Variants in CACNA1S observed in about 807,000 individuals in gnomAD.
CACNA1S encodes voltage-dependent L-type calcium channel subunit alpha-1S.
Under a neutral mutation model 207.4 loss-of-function variants are expected in CACNA1S, and 126 were observed. The ratio of observed to expected loss-of-function variants is 0.61; its 90% CI spans 0.53 to 0.70. CACNA1S has a LOEUF of 0.70. Ranked by LOEUF, CACNA1S falls within the 30% of genes least tolerant of loss-of-function variation. CACNA1S has a pLI of 0.00. For missense variants in CACNA1S, 2,349 were observed against 2,422.8 expected (o/e 0.97, Z 0.64); for synonymous variants, 960 against 932.7 (o/e 1.03, Z -0.53).
chr1:201,081,782 C>T (rs1558074746), intron 10 of CACNA1S, among the ~76,000 whole-genome samples: 1 of 152,198 alleles, frequency 6.6e-6, no homozygotes, highest in Admixed American at 6.5e-5. Context: ...TAAGTCAGCT[C>T]ACTCTGAGTT....
Position 201,053,154 on chromosome 1 carries a change from C to G in CACNA1S, c.3861+55G>C. ...TCAGGCTCCTCAGGGTCCACTGATGCCCCCTCTAACTTGGCCAAGATCCAT... is the reference window on the plus strand; with the variant it reads ...TCAGGCTCCTCAGGGTCCACTGATGGCCCCTCTAACTTGGCCAAGATCCAT... On this transcript the variant is annotated intron_variant, in intron 31 of 43. Coordinates refer to ENST00000362061, the MANE Select transcript of CACNA1S (RefSeq NM_000069.3). The surrounding 1 kb of genome is among the most constrained non-coding windows in gnomAD (Gnocchi z 5.1). 6.3e-7 allele frequency: 1 copy of G among 1,585,544 alleles called. No individual in the cohort carries two copies. Among genetic ancestry groups the G allele is most frequent in the Non-Finnish European group, 8.7e-7 (1 of 1,154,030 alleles).
In CACNA1S at chr1:201,050,344, G is replaced by A. The variant is rs372093122; in HGVS notation, c.4241+45C>T. 3 of 1,609,490 alleles carry A rather than the reference G, an allele frequency of 1.9e-6. No individual in the cohort carries two copies. In the African/African-American group the frequency reaches 4.0e-5, roughly 22 times the overall value. ...GACTCCCTGTGAGACGGTAGGAAGG[G>A]TCTAGGATGGAGGGCCCAGCACAGA... On this transcript the variant is annotated intron_variant, in intron 34 of 43. Transcript: ENST00000362061.
intron 13 of CACNA1S, 101 bp downstream of exon 13, chr1:201,075,394 G>A (rs1661572600): frequency 7.0e-7 from 1 of 1,429,804 alleles, no homozygotes; most frequent in African/African-American, 1.4e-5. Context: ...CAGCCAGAGG[G>A]CCTGGCTACC....
At chr1:201,101,536 C>A (rs1256437364) in intron 2 of CACNA1S, among the ~76,000 whole-genome samples, 6 of 152,274 alleles carry the variant, frequency 3.9e-5, no homozygotes, top group Non-Finnish European at 7.3e-5. Context: ...GGGGTCCCGG[C>A]TGGGGCAGGG....
chr1:201,059,794 T>G (rs766282380), intron 26 of CACNA1S, among the ~76,000 whole-genome samples: 7 of 152,234 alleles, frequency 4.6e-5, no homozygotes, highest in Non-Finnish European at 1.0e-4. Flanking sequence ...CCACCCCCAG[T>G]GATTATGAGG....
At chr1:201,082,577 C>T (rs1217221236) in intron 10 of CACNA1S, among the ~76,000 whole-genome samples, 1 of 152,208 alleles carries the variant, frequency 6.6e-6, no homozygotes, top group East Asian at 1.9e-4. Context: ...CTGTGATTCT[C>T]CTCTTGCTGC....
At position 201,094,036 on chromosome 1, in the gene CACNA1S, G is replaced by A. The variant is rs373666310; in HGVS notation, c.259-15C>T. On this transcript the variant is annotated splice_polypyrimidine_tract_variant and intron_variant, in intron 2 of 43. Transcript: ENST00000362061. ...TCCAGCTTCTCCTGTGGGAGCAAAC[G>A]TGGTCACAGCATGCCTCTGTGCTCT... is the stretch of plus-strand genomic sequence containing the variant. 23 of 1,613,972 alleles carry A rather than the reference G, an allele frequency of 1.4e-5. No individual in the cohort carries two copies. Among genetic ancestry groups the A allele is most frequent in the Non-Finnish European group, 1.9e-5 (22 of 1,179,982 alleles).
chr1:201,088,698 G>A (rs1013027931), intron 6 of CACNA1S, among the ~76,000 whole-genome samples: 26 of 152,156 alleles, frequency 1.7e-4, no homozygotes, highest in Admixed American at 1.6e-3. Context: ...ATCATTGAAG[G>A]ATGAAATAAG....
intron 9 of CACNA1S, among the ~76,000 whole-genome samples, chr1:201,083,574 G>T (rs1048895134): frequency 1.3e-5 from 2 of 152,204 alleles, no homozygotes; most frequent in Non-Finnish European, 2.9e-5. Context: ...CTTAGCACAA[G>T]TGCCTGGCAA....
Position 201,078,009 on chromosome 1 carries a change from T to A in CACNA1S, c.1489A>T (p.Asn497Tyr), listed in dbSNP as rs751321548. 6.2e-7 allele frequency: 1 copy of A among 1,614,128 alleles called. No homozygotes were observed. Among genetic ancestry groups the A allele is most frequent in the South Asian group, 1.1e-5 (1 of 91,082 alleles). The change falls in exon 11 of 44, where the codon AAC (asparagine) becomes TAC (tyrosine). Residue 497 changes from asparagine (N) to tyrosine (Y), a missense_variant. By Grantham distance (143) the Asn-to-Tyr change is moderately radical. Transcript: ENST00000362061. Reference protein sequence around the residue: ...GLRQYFMSIFNRFDCFVVCSG... With the variant: ...GLRQYFMSIFYRFDCFVVCSG... ...CACACCACGAAGCAGTCGAAGCGGT[T>A]GAAGATAGACATGAAGTACTGGCGC...
intron 2 of CACNA1S, among the ~76,000 whole-genome samples, chr1:201,098,377 C>T (rs2102174045): frequency 6.6e-6 from 1 of 152,304 alleles, no homozygotes; most frequent in East Asian, 1.9e-4. Context: ...TGTGGGTGGA[C>T]TATAGACCAT....
In CACNA1S at chr1:201,091,729, A is replaced by G; in HGVS notation, c.605T>C (p.Leu202Pro). 1 of 1,614,150 alleles carries G rather than the reference A, an allele frequency of 6.2e-7. No individual in the cohort carries two copies. Among genetic ancestry groups the G allele is most frequent in the South Asian group, 1.1e-5 (1 of 91,084 alleles). ...AMLPLFHIAL[L>P]VLFMVIIYAI... Reference sequence around the variant, plus strand: ...ATAGATGATGACCATAAAGAGGACCAGCAGGGCGATGTGAAAGAGGGGGAG... The same window carrying G: ...ATAGATGATGACCATAAAGAGGACCGGCAGGGCGATGTGAAAGAGGGGGAG... The change falls in exon 5 of 44, where the codon CTG becomes CCG. Residue 202 changes from leucine to proline, a missense_variant. Coordinates refer to ENST00000362061, the MANE Select transcript of CACNA1S (RefSeq NM_000069.3).
intron 19 of CACNA1S, among the ~76,000 whole-genome samples, chr1:201,068,808 G>T (rs1228939048): frequency 6.6e-6 from 1 of 152,122 alleles, no homozygotes; most frequent in Non-Finnish European, 1.5e-5. Flanking sequence ...GGAGGTGGAG[G>T]TTGCAGTGAG....
intron 13 of CACNA1S, 117 bp downstream of exon 13, chr1:201,075,377 TC>T (rs1661569996): frequency 8.1e-7 from 1 of 1,231,566 alleles, no homozygotes; most frequent in Non-Finnish European, 1.2e-6. Context: ...GCCTGGGAGC[TC>T]CCCTCCAGCC....
chr1:201,050,334 G>T, intron 34 of CACNA1S, 55 bp downstream of exon 34: 4 of 1,599,776 alleles, frequency 2.5e-6, no homozygotes, highest in South Asian at 1.1e-5. Context: ...CCTGTGAGAC[G>T]GTAGGAAGGG....
intron 25 of CACNA1S, 42 bp downstream of exon 25, chr1:201,061,225 G>A: frequency 6.3e-7 from 1 of 1,576,438 alleles, no homozygotes; most frequent in African/African-American, 1.3e-5. Context: ...CAGGAGGCCT[G>A]CTGGAGCTCT....
chr1:201,041,777 G>T (rs536411293), intron 40 of CACNA1S, 188 bp from the exon 41 acceptor site: 14 of 669,580 alleles, frequency 2.1e-5, no homozygotes, highest in Non-Finnish European at 3.8e-5. Flanking sequence ...TAGGAGGAAG[G>T]AGTCCAGAGC....
chr1:201,097,129 G>T (rs886824994), intron 2 of CACNA1S, among the ~76,000 whole-genome samples: 1 of 151,766 alleles, frequency 6.6e-6, no homozygotes, highest in Non-Finnish European at 1.5e-5. Flanking sequence ...CACCCCTACC[G>T]TCTCCTGCAT....
rs757519247 is a variant in CACNA1S at position 201,077,911 on chromosome 1, G to C, written c.1587C>G (p.Cys529Trp). The change falls in exon 11 of 44, where the codon TGC becomes TGG. Residue 529 changes from cysteine (C) to tryptophan (W), a missense_variant. Coordinates refer to ENST00000362061, the MANE Select transcript of CACNA1S (RefSeq NM_000069.3). ...MTPLGISVLR[C>W]IRLLRIFKIT... is the part of the protein sequence containing the mutation. ...TCTTGAAGATCCTCAGGAGGCGGAT[G>C]CAGCGGAGCACGGAGATGCCCAGGG... 1 of 1,613,940 alleles carries C rather than the reference G, an allele frequency of 6.2e-7. No homozygotes were observed. Among genetic ancestry groups the C allele is most frequent in the African/African-American group, 1.3e-5 (1 of 74,932 alleles).
Sources: allele counts gnomAD v4.1 joint callset (sites outside exome capture counted in the v4.1 genomes callset), GRCh38; gene constraint gnomAD v4.1.1; non-coding constraint Gnocchi (gnomAD v3.1); transcripts MANE v1.5; gene names NCBI Gene and HGNC (gene_info 2026-07-23, HGNC 2026-07-21).